Variants in GFRA2 observed in about 807,000 individuals in gnomAD.
GFRA2 encodes GDNF family receptor alpha-2.
A neutral mutation model predicts 48.3 loss-of-function variants in GFRA2; 17 were observed. The ratio of observed to expected loss-of-function variants is 0.35; its 90% CI spans 0.24 to 0.53. GFRA2 has a LOEUF of 0.53. Among genes scored for constraint, GFRA2 ranks in the 20% least tolerant of loss-of-function variants. The pLI is 0.93. For missense variants in GFRA2, 660 were observed against 637.3 expected, an observed-to-expected ratio of 1.04 and a Z score of -0.38; for synonymous variants, 305 against 257.2, an observed-to-expected ratio of 1.19 and a Z score of -1.78.
At chr8:21,804,847 G>A (rs892724953) in intron 2 of GFRA2, among the ~76,000 whole-genome samples, 1 of 152,070 alleles carries the variant, frequency 6.6e-6, no homozygotes, top group Non-Finnish European at 1.5e-5. Context: ...GGCCCCTACT[G>A]CCCTTTCTCC....
chr8:21,701,912 G>A (rs1289605799), intron 7 of GFRA2, among the ~76,000 whole-genome samples: 1 of 152,138 alleles, frequency 6.6e-6, no homozygotes, highest in Admixed American at 6.5e-5. Flanking sequence ...TGACCACAAG[G>A]AACCACAGTG....
intron 3 of GFRA2, among the ~76,000 whole-genome samples, chr8:21,766,973 A>C (rs1204645192): frequency 7.1e-6 from 1 of 139,934 alleles, no homozygotes; most frequent in Non-Finnish European, 1.6e-5. Flanking sequence ...ACATTACCTC[A>C]TACACTTACT....
intron 1 of GFRA2, among the ~76,000 whole-genome samples, chr8:21,809,574 G>A (rs955753742): frequency 5.3e-5 from 8 of 152,166 alleles, no homozygotes; most frequent in East Asian, 3.9e-4. Flanking sequence ...TGATCCGCCC[G>A]CCTCGGCCTC....
intron 7 of GFRA2, among the ~76,000 whole-genome samples, chr8:21,699,156 T>C (rs907896683): frequency 6.6e-6 from 1 of 152,214 alleles, no homozygotes; most frequent in African/African-American, 2.4e-5. Context: ...TGTAGTGACG[T>C]GCAGTAAGAA....
At chr8:21,732,644 A>T (rs550609787) in intron 4 of GFRA2, among the ~76,000 whole-genome samples, 2 of 152,232 alleles carry the variant, frequency 1.3e-5, no homozygotes, top group African/African-American at 4.8e-5. Flanking sequence ...GCCCAGCCCA[A>T]TGGTCCTGCA....
At position 21,798,685 on chromosome 8, in the gene GFRA2, G is replaced by A. The variant is rs949842612; in HGVS notation, c.-36+6332C>T. Among the ~76,000 whole-genome samples the A allele has an allele frequency of 5.3e-5, 8 of 152,260 alleles. No homozygotes were observed. The East Asian group carries it at 7.7e-4, about 15-fold the overall frequency. On this transcript the variant is annotated intron_variant, in intron 2 of 10. Coordinates refer to the GFRA2 transcript ENST00000517328. ...ACGTAAGAACCTGTTGACTTTTCCAGGCAGCCCACATCCCATGGTGAGTTC... is the reference window on the plus strand; with the variant it reads ...ACGTAAGAACCTGTTGACTTTTCCAAGCAGCCCACATCCCATGGTGAGTTC...
At chr8:21,791,320 C>G (rs1370646211), upstream of GFRA2, among the ~76,000 whole-genome samples, 1 of 152,056 alleles carries the variant, frequency 6.6e-6, no homozygotes, top group East Asian at 1.9e-4. Flanking sequence ...TTCTGCGACC[C>G]AAGACCACCC....
At position 21,750,071 on chromosome 8, in the gene GFRA2, A is replaced by ATG. The variant is rs148033575; in HGVS notation, c.794+515_794+516dup. Among the ~76,000 whole-genome samples, 1,840 of 149,916 alleles carry ATG rather than the reference A, an allele frequency of 0.012. 25 individuals carry two copies. Among genetic ancestry groups the ATG allele is most frequent in the African/African-American group, 0.043 (1,735 of 40,570 alleles). ...TATGTAAGTATATATATGTGTATAT[A>ATG]TGTGTGTGTGTGTGTATACACACAC... On this transcript the variant is annotated intron_variant, in intron 4 of 8. Transcript: ENST00000524240. The surrounding 1 kb of genome is among the most constrained non-coding windows in gnomAD (Gnocchi z 5.7).
At chr8:21,757,991 G>A (rs150101670) in intron 3 of GFRA2, among the ~76,000 whole-genome samples, 1 of 152,214 alleles carries the variant, frequency 6.6e-6, no homozygotes, top group East Asian at 1.9e-4. Context: ...TCTAGCAGTG[G>A]TGTGCAATGC....
chr8:21,717,008 T>C (rs1488570175), intron 4 of GFRA2, among the ~76,000 whole-genome samples: 1 of 152,254 alleles, frequency 6.6e-6, no homozygotes, highest in African/African-American at 2.4e-5. Context: ...AAATAAACAC[T>C]GCTACTGCTA....
chr8:21,721,712 T>C (rs1279555252), intron 4 of GFRA2, among the ~76,000 whole-genome samples: 1 of 152,042 alleles, frequency 6.6e-6, no homozygotes, highest in Non-Finnish European at 1.5e-5. Flanking sequence ...TGCACCCAAA[T>C]CCTCTTCAGC....
chr8:21,806,987 A>G (rs189946732), intron 1 of GFRA2, among the ~76,000 whole-genome samples: 3 of 152,252 alleles, frequency 2.0e-5, no homozygotes, highest in South Asian at 2.1e-4. Flanking sequence ...AACAGAAACC[A>G]TATCTTTCTC....
intron 2 of GFRA2, among the ~76,000 whole-genome samples, chr8:21,782,028 C>T (rs1807017921): frequency 2.0e-5 from 3 of 152,116 alleles, no homozygotes; most frequent in Non-Finnish European, 4.4e-5. Context: ...AGCAGGGAGG[C>T]AGGAGCCAGA....
At chr8:21,782,450 C>T in intron 2 of GFRA2, 135 bp downstream of exon 2, 2 of 676,446 alleles carry the variant, frequency 3.0e-6, no homozygotes, top group South Asian at 1.9e-5. Context: ...TTCTAGGTTC[C>T]CCTAGCAGGT....
chr8:21,693,464 G>C, intron 8 of GFRA2, 64 bp from the exon 9 acceptor site: 1 of 1,484,800 alleles, frequency 6.7e-7, no homozygotes, highest in East Asian at 2.5e-5. Flanking sequence ...ACAGTCAGGA[G>C]GCCTGGGACC....
In GFRA2 at chr8:21,750,088, TACACACACAC is replaced by T. The variant is rs531507245; in HGVS notation, c.794+490_794+499del. 6.8e-6 allele frequency among the ~76,000 whole-genome samples: 1 copy of T among 147,498 alleles called. No homozygotes were observed. The highest frequency in any genetic ancestry group is 1.5e-5 in the Non-Finnish European group (1 of 66,504). On this transcript the variant is annotated intron_variant, in intron 4 of 8. Coordinates refer to ENST00000524240, the MANE Select transcript of GFRA2 (RefSeq NM_001495.5). This position sits in a 1 kb window ranked among gnomAD's most constrained non-coding sequence, Gnocchi z 5.7. The stretch of plus-strand genomic sequence containing the variant: ...GTGTATATATGTGTGTGTGTGTGTA[TACACACACAC>T]ACACACACACACGCACATATATAGG...
chr8:21,771,728 T>A (rs747803725), intron 3 of GFRA2, among the ~76,000 whole-genome samples: 234 of 151,708 alleles, frequency 1.5e-3, no homozygotes, highest in Non-Finnish European at 2.4e-3. Flanking sequence ...AGCAACTGAG[T>A]CCCAAAGACA....
intron 2 of GFRA2, among the ~76,000 whole-genome samples, chr8:21,800,160 C>A (rs1417495009): frequency 6.6e-6 from 1 of 152,186 alleles, no homozygotes; most frequent in Non-Finnish European, 1.5e-5. Context: ...GTAGTAAACT[C>A]TTTTTCCAGA....
chr8:21,780,736 G>C (rs974160552), intron 2 of GFRA2: 1 of 152,156 alleles, frequency 6.6e-6, no homozygotes, highest in East Asian at 1.9e-4. Context: ...AGCTGCCTAA[G>C]ACAGGAAACT....
Sources: gnomAD v4.1 joint callset for allele counts (sites outside exome capture counted in the v4.1 genomes callset) on GRCh38, gnomAD v4.1.1 for gene constraint, Gnocchi (gnomAD v3.1) non-coding constraint, MANE v1.5 for transcripts, NCBI Gene and HGNC (gene_info 2026-07-23, HGNC 2026-07-21) for gene names.